EVA1C: variants seen among roughly 807,000 people sequenced by gnomAD.
The protein encoded by EVA1C is eva-1 homolog C, also known as protein eva-1 homolog C.
Under a neutral mutation model 45.4 loss-of-function variants are expected in EVA1C, and 25 were observed. The ratio of observed to expected loss-of-function variants is 0.55; its 90% CI spans 0.40 to 0.77. EVA1C has a LOEUF of 0.77. EVA1C is among the 30% of genes least tolerant of loss of function. The pLI is 0.00. For synonymous variants in EVA1C, 190 were observed against 221.2 expected (o/e 0.86, Z 1.25); for missense variants, 479 against 554.8 (o/e 0.86, Z 1.37).
chr21:32,472,604 C>G (rs544911728), intron 4 of EVA1C, among the ~76,000 whole-genome samples: 1 of 151,976 alleles, frequency 6.6e-6, no homozygotes, highest in East Asian at 1.9e-4. Context: ...CCTCTGCACT[C>G]CAGCCTGGGC....
chr21:32,508,465 T>C (rs1259358434), intron 7 of EVA1C, among the ~76,000 whole-genome samples: 2 of 152,144 alleles, frequency 1.3e-5, no homozygotes, highest in Non-Finnish European at 2.9e-5. Context: ...GATAAGCTTA[T>C]ACTGAAAGAG....
At chr21:32,497,372 A>C in intron 5 of EVA1C, 2 of 395,320 alleles carry the variant, frequency 5.1e-6, no homozygotes, top group Non-Finnish European at 9.3e-6. Flanking sequence ...CCTGGGGAAA[A>C]CTTTTTTCAG....
intron 4 of EVA1C, among the ~76,000 whole-genome samples, chr21:32,486,082 A>G (rs1446397502): frequency 6.6e-6 from 1 of 152,246 alleles, no homozygotes; most frequent in African/African-American, 2.4e-5. Context: ...GAGCAGACAA[A>G]GGAAGAAAGA....
chr21:32,503,883 T>C (rs976303035), intron 6 of EVA1C, 43 bp from the exon 7 acceptor site: 10 of 1,414,556 alleles, frequency 7.1e-6, no homozygotes, highest in East Asian at 4.6e-5. Context: ...AGGCGTACTA[T>C]GAACAGCTGT....
intron 6 of EVA1C, among the ~76,000 whole-genome samples, chr21:32,503,500 T>C (rs2037624592): frequency 2.0e-5 from 3 of 148,610 alleles, no homozygotes; most frequent in Non-Finnish European, 3.0e-5. Context: ...TGAGCCAAGA[T>C]TGTGCCATTG....
At chr21:32,470,233 C>T (rs568114353) in intron 4 of EVA1C, among the ~76,000 whole-genome samples, 1 of 152,228 alleles carries the variant, frequency 6.6e-6, no homozygotes, top group African/African-American at 2.4e-5. Context: ...AAAAAGTGAG[C>T]TAAGCGCACT....
chr21:32,417,610 A>G (rs1242178963), intron 1 of EVA1C, among the ~76,000 whole-genome samples: 2 of 152,222 alleles, frequency 1.3e-5, no homozygotes, highest in Non-Finnish European at 2.9e-5. Flanking sequence ...CCAATAAATA[A>G]ACCTGACTGA....
At chr21:32,447,712 T>C (rs528298935) in intron 1 of EVA1C, among the ~76,000 whole-genome samples, 2 of 152,188 alleles carry the variant, frequency 1.3e-5, no homozygotes, top group East Asian at 3.9e-4. Flanking sequence ...TTTTTCTTTT[T>C]TCTGTGTTTT....
chr21:32,486,478 A>C (rs980655943), intron 4 of EVA1C, among the ~76,000 whole-genome samples: 25 of 152,130 alleles, frequency 1.6e-4, no homozygotes, highest in African/African-American at 5.8e-4. Context: ...AGTTTTTACC[A>C]GGTATTACTG....
In EVA1C at chr21:32,453,524, G is replaced by C; in HGVS notation, c.357+16G>C. The C allele has an allele frequency of 2.6e-6, 4 of 1,563,494 alleles. No individual in the cohort carries two copies. Among genetic ancestry groups the C allele is most frequent in the Non-Finnish European group, 3.5e-6 (4 of 1,138,014 alleles). ...CACCTTCCAGGTATTGCCTTTTGTA[G>C]ACATGTTAAGATGATACAGTTTCAA... is the stretch of plus-strand genomic sequence containing the variant. On this transcript the variant is annotated intron_variant, in intron 2 of 7. Transcript: ENST00000300255.
chr21:32,486,892 T>C (rs1314763158), intron 4 of EVA1C, among the ~76,000 whole-genome samples: 2 of 152,230 alleles, frequency 1.3e-5, no homozygotes, highest in East Asian at 3.8e-4. Context: ...ACATATACTT[T>C]TAAATAACTG....
chr21:32,448,061 A>G (rs1160456256), intron 1 of EVA1C, among the ~76,000 whole-genome samples: 1 of 151,988 alleles, frequency 6.6e-6, no homozygotes, highest in African/African-American at 2.4e-5. Flanking sequence ...CCCCCATCCC[A>G]TATGGTTTCA....
intron 4 of EVA1C, 44 bp from the exon 5 acceptor site, chr21:32,494,983 G>C: frequency 6.2e-7 from 1 of 1,605,108 alleles, no homozygotes; most frequent in South Asian, 1.1e-5. Context: ...TGGTGGCCCT[G>C]TGTGGGATGC....
chr21:32,481,619 A>G (rs775812419), intron 4 of EVA1C, among the ~76,000 whole-genome samples: 4 of 152,254 alleles, frequency 2.6e-5, no homozygotes, highest in Middle Eastern at 3.4e-3. Flanking sequence ...GTTTATTAAA[A>G]TATTCTGAAA....
Position 32,515,035 on chromosome 21 carries a change from T to C in EVA1C, c.1171T>C (p.Ser391Pro). 1 of 1,614,090 alleles carries C rather than the reference T, an allele frequency of 6.2e-7. No individual in the cohort carries two copies. The highest frequency in any genetic ancestry group is 2.2e-5 in the East Asian group (1 of 44,866). The change falls in exon 8 of 8, where the codon TCG becomes CCG. Residue 391 changes from serine (S) to proline (P), a missense_variant. Around this residue, in one of 3 missense-constraint regions of EVA1C, gnomAD observed 366 missense variants for 426.1 expected, o/e 0.86. Transcript: ENST00000300255. ...PSESDFPGEL[S>P]GFCRTSYPIY... ...TGAGTCTGATTTCCCAGGGGAACTG[T>C]CGGGGTTCTGTAGGACTTCATATCC...
intron 1 of EVA1C, among the ~76,000 whole-genome samples, chr21:32,423,457 G>T (rs2034367694): frequency 6.6e-6 from 1 of 152,100 alleles, no homozygotes. Context: ...GGGGAAGCTT[G>T]CTTCTTAGTG....
intron 1 of EVA1C, among the ~76,000 whole-genome samples, chr21:32,442,908 G>A: frequency 6.6e-6 from 1 of 151,050 alleles, no homozygotes; most frequent in Admixed American, 6.6e-5. Context: ...AGAGGAAAAT[G>A]TACAGCTCTT....
intron 7 of EVA1C, among the ~76,000 whole-genome samples, chr21:32,511,040 T>C (rs199592085): frequency 4.5e-5 from 5 of 112,344 alleles, no homozygotes; most frequent in East Asian, 2.5e-4. Context: ...ACTCTCTCTC[T>C]CTCCCTCTCT....
intron 1 of EVA1C, among the ~76,000 whole-genome samples, chr21:32,414,595 C>T (rs891523861): frequency 1.3e-5 from 2 of 152,168 alleles, no homozygotes; most frequent in African/African-American, 2.4e-5. Flanking sequence ...TAGATTACCA[C>T]CCAAGTTTGG....
Sources: allele counts gnomAD v4.1 joint callset (sites outside exome capture counted in the v4.1 genomes callset), GRCh38; gene constraint gnomAD v4.1.1; regional missense constraint gnomAD v4.1.1; transcripts MANE v1.5; gene names NCBI Gene and HGNC (gene_info 2026-07-23, HGNC 2026-07-21).